Variants in SAMTOR observed in about 807,000 individuals in gnomAD.
SAMTOR encodes the protein UPF0532 protein C7orf60.
At chr7:112,914,978 C>T in the SAMTOR span, among the ~76,000 whole-genome samples, 660 of 152,198 alleles carry the variant, frequency 4.3e-3, 5 homozygotes, top group Middle Eastern at 0.01. Flanking sequence ...CGGTGGCTCA[C>T]GTCTGTAATC....
At chr7:112,852,141 G>A in the SAMTOR span, among the ~76,000 whole-genome samples, 488 of 152,142 alleles carry the variant, frequency 3.2e-3, 1 homozygote, top group Non-Finnish European at 5.1e-3. Context: ...TATATATAAA[G>A]ACACCTGCCC....
the SAMTOR span, chr7:112,822,291 T>C: frequency 6.2e-7 from 1 of 1,613,154 alleles, no homozygotes; most frequent in African/African-American, 1.3e-5. Flanking sequence ...TTTCAGCTGC[T>C]TCAAAAAAGC....
the SAMTOR span, among the ~76,000 whole-genome samples, chr7:112,865,632 A>ATATATT: frequency 3.5e-5 from 4 of 112,832 alleles, no homozygotes; most frequent in Non-Finnish European, 7.6e-5. Context: ...TCATATATAT[A>ATATATT]TCATATATAC....
At chr7:112,898,499 C>G in the SAMTOR span, among the ~76,000 whole-genome samples, 12 of 152,248 alleles carry the variant, frequency 7.9e-5, no homozygotes, top group Non-Finnish European at 1.8e-4. Context: ...AATCCTAAAG[C>G]CCCTGATTCC....
At chr7:112,935,717 T>C in the SAMTOR span, among the ~76,000 whole-genome samples, 1 of 152,108 alleles carries the variant, frequency 6.6e-6, no homozygotes, top group Non-Finnish European at 1.5e-5. Context: ...ATTCATAAGA[T>C]AGGTTAAAAA....
the SAMTOR span, among the ~76,000 whole-genome samples, chr7:112,909,619 GTTATT>G: frequency 0.011 from 1,674 of 152,124 alleles, 30 homozygotes; most frequent in African/African-American, 0.036. Flanking sequence ...TTACATTTCA[GTTATT>G]TTATTTTTAG....
the SAMTOR span, among the ~76,000 whole-genome samples, chr7:112,932,913 T>C: frequency 6.6e-6 from 1 of 152,190 alleles, no homozygotes; most frequent in Non-Finnish European, 1.5e-5. Context: ...TAAACCATAA[T>C]CCTTAATAAT....
the SAMTOR span, among the ~76,000 whole-genome samples, chr7:112,922,301 T>C: frequency 3.9e-5 from 6 of 152,136 alleles, no homozygotes; most frequent in African/African-American, 7.2e-5. Flanking sequence ...GATCTCGGCT[T>C]GCTACAACCT....
At chr7:112,839,170 A>G in the SAMTOR span, among the ~76,000 whole-genome samples, 1 of 151,826 alleles carries the variant, frequency 6.6e-6, no homozygotes, top group East Asian at 1.9e-4. Context: ...GGTAAAAGAA[A>G]CTACTTTAAA....
chr7:112,849,273 T>TA, the SAMTOR span, among the ~76,000 whole-genome samples: 1 of 152,172 alleles, frequency 6.6e-6, no homozygotes, highest in African/African-American at 2.4e-5. Context: ...TGCTTTAATA[T>TA]AAAAAAATCA....
At chr7:112,916,729 C>T in the SAMTOR span, among the ~76,000 whole-genome samples, 1 of 152,158 alleles carries the variant, frequency 6.6e-6, no homozygotes, top group Non-Finnish European at 1.5e-5. Context: ...AAAATCGGGT[C>T]ACTCCCACCC....
At chr7:112,827,142 T>A in the SAMTOR span, among the ~76,000 whole-genome samples, 2 of 152,214 alleles carry the variant, frequency 1.3e-5, no homozygotes, top group Non-Finnish European at 2.9e-5. Flanking sequence ...CTCCATCTTA[T>A]TGCTTTCACT....
the SAMTOR span, among the ~76,000 whole-genome samples, chr7:112,831,089 T>C: frequency 6.6e-6 from 1 of 151,882 alleles, no homozygotes; most frequent in African/African-American, 2.4e-5. Flanking sequence ...AATACAGCAA[T>C]AGAGGGAAAA....
At chr7:112,833,389 A>T in the SAMTOR span, among the ~76,000 whole-genome samples, 2 of 152,350 alleles carry the variant, frequency 1.3e-5, no homozygotes, top group South Asian at 4.1e-4. Context: ...TAATACGGGG[A>T]TAATAGTGGT....
the SAMTOR span, among the ~76,000 whole-genome samples, chr7:112,825,277 T>C: frequency 6.6e-6 from 1 of 152,102 alleles, no homozygotes; most frequent in Admixed American, 6.6e-5. Flanking sequence ...TCCACTTGCC[T>C]AGGCCTCCCA....
At chr7:112,921,779 G>T in the SAMTOR span, among the ~76,000 whole-genome samples, 2 of 2,508 alleles carry the variant, frequency 8.0e-4, no homozygotes, top group Admixed American at 5.6e-3. Context: ...CATCAACAAG[G>T]ACATTAACAG....
At chr7:112,841,274 G>A in the SAMTOR span, among the ~76,000 whole-genome samples, 74 of 152,006 alleles carry the variant, frequency 4.9e-4, no homozygotes, top group South Asian at 3.7e-3. Flanking sequence ...ACAAGCATTC[G>A]TATACACCAA....
chr7:112,826,231 T>C, the SAMTOR span, among the ~76,000 whole-genome samples: 2 of 152,208 alleles, frequency 1.3e-5, no homozygotes, highest in Non-Finnish European at 2.9e-5. Flanking sequence ...GAAGAGAATA[T>C]ATATAATTGG....
At chr7:112,902,653 A>G in the SAMTOR span, among the ~76,000 whole-genome samples, 4 of 152,084 alleles carry the variant, frequency 2.6e-5, no homozygotes, top group African/African-American at 4.8e-5. Context: ...ATCTATCAGT[A>G]TAAGTTTAAC....
Sources: allele counts gnomAD v4.1 joint callset (sites outside exome capture counted in the v4.1 genomes callset), GRCh38; gene constraint gnomAD v4.1.1; transcripts MANE v1.5; gene names NCBI Gene and HGNC (gene_info 2026-07-23, HGNC 2026-07-21).